PUM2: variants seen among roughly 807,000 people sequenced by gnomAD.
PUM2 encodes the protein pumilio RNA binding family member 2.
A neutral mutation model predicts 124.5 loss-of-function variants in PUM2; 57 were observed. That is an observed-to-expected ratio of 0.46 (90% confidence interval 0.37 to 0.57). The LOEUF is 0.57. Ranked by LOEUF, PUM2 falls within the 20% of genes least tolerant of loss-of-function variation. The pLI is 0.00. For synonymous variants in PUM2, 460 were observed against 446.1 expected, an observed-to-expected ratio of 1.03 and a Z score of -0.39; for missense variants, 1,065 against 1,290.6, an observed-to-expected ratio of 0.83 and a Z score of 2.68.
intron 2 of PUM2, chr2:20,326,349 T>C (rs745408640): frequency 7.7e-7 from 1 of 1,304,170 alleles, no homozygotes; most frequent in Non-Finnish European, 1.0e-6. Flanking sequence ...GGTGCCCTCT[T>C]GTGGCCCAAA....
At chr2:20,284,515 C>T (rs955320747) in intron 10 of PUM2, among the ~76,000 whole-genome samples, 1 of 152,088 alleles carries the variant, frequency 6.6e-6, no homozygotes, top group Admixed American at 6.5e-5. Context: ...GCCACCAGGT[C>T]CGGATAATTT....
rs1180656274 is a variant in PUM2 at position 20,283,348 on chromosome 2, T to G, written c.1430A>C (p.Gln477Pro). ...AAAATGTCAGTTACACTTACCAGCT[T>G]GTGCTGCTGCTGAACTAATTAAAAC... is the stretch of plus-strand genomic sequence containing the variant. ...TPVLISSAAA[Q>P]AAAAAAAGGT... is the part of the protein sequence containing the mutation. The change falls in exon 11 of 21, where the codon CAA (glutamine) becomes CCA (proline). Residue 477 changes from glutamine (Q) to proline (P), a missense_variant. Gln to Pro is a moderately conservative substitution (Grantham distance 76, BLOSUM62 -1). This residue lies in a region of PUM2 where 968 missense variants were observed against 1,159.8 expected (regional missense o/e 0.83). Transcript: ENST00000361078. The G allele has an allele frequency of 5.6e-6, 9 of 1,613,894 alleles. No individual in the cohort carries two copies. In the East Asian group the frequency reaches 2.0e-4, roughly 36 times the overall value.
intron 13 of PUM2, among the ~76,000 whole-genome samples, chr2:20,267,431 G>A (rs1008779116): frequency 2.0e-5 from 3 of 152,130 alleles, no homozygotes; most frequent in East Asian, 3.9e-4. Context: ...GTAACATCTG[G>A]AAAACATGGG....
chr2:20,341,850 C>T (rs10460449), intron 1 of PUM2, among the ~76,000 whole-genome samples: 41,681 of 152,004 alleles, frequency 0.27, 6,227 homozygotes, highest in Middle Eastern at 0.35. Context: ...TAACTAGAGG[C>T]CTAGCATGGT....
chr2:20,303,002 T>C (rs912551972), intron 7 of PUM2, among the ~76,000 whole-genome samples: 1 of 152,186 alleles, frequency 6.6e-6, no homozygotes, highest in Admixed American at 6.5e-5. Flanking sequence ...TAGCTGTGCA[T>C]GCTGAGGACT....
intron 1 of PUM2, among the ~76,000 whole-genome samples, chr2:20,340,088 A>G (rs994974367): frequency 1.3e-5 from 2 of 152,104 alleles, no homozygotes; most frequent in Non-Finnish European, 2.9e-5. Context: ...TCTAGCTTTC[A>G]AAGTATTTTA....
At chr2:20,267,867 A>G (rs1668071006) in intron 13 of PUM2, among the ~76,000 whole-genome samples, 1 of 152,134 alleles carries the variant, frequency 6.6e-6, no homozygotes, top group African/African-American at 2.4e-5. Flanking sequence ...TGGTTCCAGG[A>G]CCCACACAAG....
At chr2:20,349,950 A>C (rs990991820) in intron 1 of PUM2, among the ~76,000 whole-genome samples, 1 of 152,238 alleles carries the variant, frequency 6.6e-6, no homozygotes, top group East Asian at 1.9e-4. Context: ...TGAAACTTTA[A>C]ACATTTTCCC....
intron 1 of PUM2, among the ~76,000 whole-genome samples, chr2:20,336,971 T>C (rs1383618966): frequency 1.3e-5 from 2 of 152,042 alleles, no homozygotes; most frequent in Admixed American, 6.6e-5. Flanking sequence ...ATCATCCTAA[T>C]AGTGGAGTAA....
chr2:20,265,224 C>T (rs1181612329), intron 13 of PUM2, among the ~76,000 whole-genome samples: 1 of 151,238 alleles, frequency 6.6e-6, no homozygotes, highest in Non-Finnish European at 1.5e-5. Context: ...CGCAGTCCAG[C>T]CTGGGTGCCA....
chr2:20,266,913 GT>G (rs1667794202), intron 13 of PUM2, among the ~76,000 whole-genome samples: 2 of 152,112 alleles, frequency 1.3e-5, no homozygotes, highest in African/African-American at 4.8e-5. Flanking sequence ...TTGATTAGTG[GT>G]TTATCAGTGT....
chr2:20,328,992 G>A (rs150826127), intron 1 of PUM2, among the ~76,000 whole-genome samples: 9 of 152,074 alleles, frequency 5.9e-5, no homozygotes, highest in Non-Finnish European at 1.0e-4. Context: ...GCAACATGGC[G>A]ACACTCGATT....
At chr2:20,263,507 T>G in intron 13 of PUM2, 47 bp from the exon 14 acceptor site, 1 of 1,540,010 alleles carries the variant, frequency 6.5e-7, no homozygotes, top group South Asian at 1.2e-5. Context: ...ACAAAGTTAT[T>G]CCTCAAATAA....
chr2:20,256,560 C>T (rs764355643), intron 16 of PUM2, among the ~76,000 whole-genome samples: 34 of 152,276 alleles, frequency 2.2e-4, no homozygotes, highest in Middle Eastern at 3.4e-3. Context: ...TACACACTTC[C>T]GCCTTACTTA....
Position 20,308,586 on chromosome 2 carries a change from T to C in PUM2, c.519-2A>G. 1 of 1,587,650 alleles carries C rather than the reference T, an allele frequency of 6.3e-7. No individual in the cohort carries two copies. Among genetic ancestry groups the C allele is most frequent in the Non-Finnish European group, 8.5e-7 (1 of 1,169,686 alleles). On this transcript the variant is annotated splice_acceptor_variant, in intron 5 of 20. Transcript: ENST00000361078. LOFTEE classifies it high-confidence loss of function. Reference sequence around the variant, plus strand: ...GCTTGACGACTTCCAGGAGTACGACTACATAAAGAAAATAGAAAAGCATTA... The same window carrying C: ...GCTTGACGACTTCCAGGAGTACGACCACATAAAGAAAATAGAAAAGCATTA...
At chr2:20,313,866 G>A (rs1279364246) in intron 3 of PUM2, among the ~76,000 whole-genome samples, 1 of 143,760 alleles carries the variant, frequency 7.0e-6, no homozygotes, top group Non-Finnish European at 1.5e-5. Flanking sequence ...AAAAAGGCCA[G>A]GGGCAGTGAC....
At chr2:20,278,889 G>A (rs1368492710) in intron 12 of PUM2, 70 bp from the exon 13 acceptor site, 10 of 1,127,760 alleles carry the variant, frequency 8.9e-6, no homozygotes, top group African/African-American at 4.7e-5. Flanking sequence ...CCCAACTCTC[G>A]CTGGGCAATA....
intron 16 of PUM2, among the ~76,000 whole-genome samples, chr2:20,256,906 T>C (rs1472624289): frequency 6.6e-6 from 1 of 151,706 alleles, no homozygotes; most frequent in South Asian, 2.1e-4. Flanking sequence ...TAGCCAGACG[T>C]GGTGGCGCAT....
Position 20,259,275 on chromosome 2 carries a change from T to A in PUM2, c.2356-904A>T, listed in dbSNP as rs557314226. On this transcript the variant is annotated intron_variant, in intron 15 of 20. Coordinates refer to ENST00000361078, the MANE Select transcript of PUM2 (RefSeq NM_015317.5). ...TCATTTAAAGTGGTTCATGTTAAAA[T>A]TTTTTTTGTGACAAACTGCCATTTG... 9.3e-4 allele frequency among the ~76,000 whole-genome samples: 142 copies of A among 152,084 alleles called. 2 individuals are homozygous for A. Among genetic ancestry groups the A allele is most frequent in the African/African-American group, 3.3e-3 (136 of 41,410 alleles).
Sources: allele counts gnomAD v4.1 joint callset (sites outside exome capture counted in the v4.1 genomes callset), GRCh38; gene constraint gnomAD v4.1.1; regional missense constraint gnomAD v4.1.1; transcripts MANE v1.5; gene names NCBI Gene and HGNC (gene_info 2026-07-23, HGNC 2026-07-21).